The following ATP13A4 variants were observed in gnomAD, a reference collection of about 807,000 sequenced individuals.
The protein encoded by ATP13A4 is ATPase 13A4, also known as probable cation-transporting ATPase 13A4.
A neutral mutation model predicts 142.5 loss-of-function variants in ATP13A4; 114 were observed. The ratio of observed to expected loss-of-function variants is 0.80; its 90% CI spans 0.69 to 0.93. The LOEUF is 0.93. Ranked by LOEUF, ATP13A4 falls within the 40% of genes least tolerant of loss-of-function variation. The pLI is 0.00. For synonymous variants in ATP13A4, 488 were observed against 514.8 expected (o/e 0.95, Z 0.70); for missense variants, 1,392 against 1,454.0 (o/e 0.96, Z 0.69).
rs146265966 is a variant in ATP13A4 at position 193,497,305 on chromosome 3, A to T, written c.382-4145T>A. On this transcript the variant is annotated intron_variant, in intron 3 of 29. Transcript: ENST00000342695. ...AAGAAGACACACAAATGGCTCACAG[A>T]TAAATGAAAACATGCTCAACATCAC... Among the ~76,000 whole-genome samples, 524 of 152,328 alleles carry T rather than the reference A, an allele frequency of 3.4e-3. 3 individuals are homozygous for T. The highest frequency in any genetic ancestry group is 6.3e-3 in the Non-Finnish European group (426 of 68,014).
At chr3:193,537,813 T>C (rs1437620926) in intron 1 of ATP13A4, among the ~76,000 whole-genome samples, 1 of 152,152 alleles carries the variant, frequency 6.6e-6, no homozygotes, top group Non-Finnish European at 1.5e-5. Flanking sequence ...CTGGGTCAAT[T>C]TCCAAAGGAT....
intron 1 of ATP13A4, among the ~76,000 whole-genome samples, chr3:193,530,459 T>G (rs1035041560): frequency 1.3e-5 from 2 of 152,194 alleles, no homozygotes; most frequent in African/African-American, 4.8e-5. Flanking sequence ...AATCTAGACA[T>G]TCCCTTTAAT....
chr3:193,525,984 A>G (rs1721980253), intron 1 of ATP13A4, among the ~76,000 whole-genome samples: 1 of 152,192 alleles, frequency 6.6e-6, no homozygotes, highest in South Asian at 2.1e-4. Flanking sequence ...CTTCCTTAAC[A>G]TTGCTGGTGA....
chr3:193,460,781 A>G (rs1181731807), intron 13 of ATP13A4, among the ~76,000 whole-genome samples: 2 of 152,244 alleles, frequency 1.3e-5, no homozygotes, highest in Non-Finnish European at 2.9e-5. Flanking sequence ...TTAGCACAGC[A>G]AATACATAAA....
At chr3:193,454,013 G>T in intron 17 of ATP13A4, 88 bp downstream of exon 17, 2 of 1,135,796 alleles carry the variant, frequency 1.8e-6, no homozygotes, top group Non-Finnish European at 2.6e-6. Context: ...GAACCCCTAA[G>T]TCCATCCCAG....
At chr3:193,432,043 G>A (rs1407899657) in intron 25 of ATP13A4, among the ~76,000 whole-genome samples, 1 of 151,768 alleles carries the variant, frequency 6.6e-6, no homozygotes, top group Non-Finnish European at 1.5e-5. Context: ...TAGATTCAGG[G>A]TCAAATAAGA....
chr3:193,573,264 TATATATATATACATATATATATATACAC>T lies in ATP13A4; in HGVS notation n.291+8415_291+8442del, dbSNP rs1293295315. ...AACTTTAACGAATACCACAGCCATATATATATATATACATATATATATATACACATATATATATATATACATATATATA... is the reference window on the plus strand; with the variant it reads ...AACTTTAACGAATACCACAGCCATATATATATATATATATACATATATATA... On this transcript the variant is annotated intron_variant and non_coding_transcript_variant, in intron 2 of 3. Coordinates refer to the ATP13A4 transcript ENST00000489140. Among the ~76,000 whole-genome samples, 15 of 108,446 alleles carry T rather than the reference TATATATATATACATATATATATATACAC, an allele frequency of 1.4e-4. 1 individual carries two copies. The highest frequency in any genetic ancestry group is 5.9e-4 in the African/African-American group (14 of 23,828). The allele number at this position is 108,446 out of a possible 152,430, so 71.1% of individuals were successfully genotyped here.
At chr3:193,580,462 A>G (rs1437713127) in intron 2 of ATP13A4, among the ~76,000 whole-genome samples, 2 of 152,220 alleles carry the variant, frequency 1.3e-5, no homozygotes, top group East Asian at 3.8e-4. Flanking sequence ...AGAGCAGCAA[A>G]GATGTGGGAG....
intron 1 of ATP13A4, among the ~76,000 whole-genome samples, chr3:193,536,076 T>C (rs1281599844): frequency 1.3e-5 from 2 of 151,948 alleles, no homozygotes; most frequent in Non-Finnish European, 2.9e-5. Context: ...AAAATAATAT[T>C]ATTAGTATGC....
intron 29 of ATP13A4, chr3:193,404,005 T>C: frequency 1.0e-6 from 1 of 985,390 alleles, no homozygotes; most frequent in Non-Finnish European, 1.2e-6. Context: ...CAGTCTGCAT[T>C]ATTCCTGTGA....
intron 27 of ATP13A4, 41 bp from the exon 28 acceptor site, chr3:193,411,111 G>A (rs61401139): frequency 0.2 from 282,635 of 1,390,590 alleles, 30,469 homozygotes; most frequent in East Asian, 0.28. Flanking sequence ...TGAGAAATCA[G>A]AGTGAAAAAT....
intron 2 of ATP13A4, among the ~76,000 whole-genome samples, chr3:193,570,237 C>T (rs1724230024): frequency 6.6e-6 from 1 of 152,148 alleles, no homozygotes. Context: ...TGCTTGAGCC[C>T]AGGAGGTCGA....
chr3:193,516,218 A>T (rs1434439903), intron 1 of ATP13A4, among the ~76,000 whole-genome samples: 1 of 152,218 alleles, frequency 6.6e-6, no homozygotes, highest in East Asian at 1.9e-4. Context: ...CTCACCTGAT[A>T]AAGATTACAT....
At chr3:193,560,486 G>A (rs1723990894) in intron 2 of ATP13A4, among the ~76,000 whole-genome samples, 1 of 152,136 alleles carries the variant, frequency 6.6e-6, no homozygotes, top group African/African-American at 2.4e-5. Flanking sequence ...GGGATGACAG[G>A]TGTCAGCCAC....
intron 2 of ATP13A4, among the ~76,000 whole-genome samples, chr3:193,561,991 C>T (rs1040942968): frequency 6.6e-6 from 1 of 152,198 alleles, no homozygotes; most frequent in Non-Finnish European, 1.5e-5. Flanking sequence ...TTCATCCAGC[C>T]TTTCTCTGGC....
At chr3:193,513,514 C>T (rs1721245080) in intron 2 of ATP13A4, among the ~76,000 whole-genome samples, 2 of 152,178 alleles carry the variant, frequency 1.3e-5, no homozygotes, top group Admixed American at 1.3e-4. Flanking sequence ...TTCAGCCTGT[C>T]AGCCACCACA....
At chr3:193,495,550 A>G (rs1252718600) in intron 3 of ATP13A4, among the ~76,000 whole-genome samples, 1 of 152,182 alleles carries the variant, frequency 6.6e-6, no homozygotes, top group African/African-American at 2.4e-5. Context: ...TTCATGTTAA[A>G]AACTCAACAA....
At chr3:193,554,653 CGTGTGTGT>C (rs58073069) in intron 1 of ATP13A4, 79 bp downstream of exon 1, 100,884 of 1,182,934 alleles carry the variant, frequency 0.085, 79 homozygotes, top group East Asian at 0.13. Context: ...GTGATGCGTG[CGTGTGTGT>C]GTGTGTGTGT....
chr3:193,428,166 T>C (rs1436194656), intron 25 of ATP13A4, among the ~76,000 whole-genome samples: 1 of 152,086 alleles, frequency 6.6e-6, no homozygotes. Flanking sequence ...AAGACATTTA[T>C]GCAGCCAAAA....
Sources: gnomAD v4.1 joint callset for allele counts (sites outside exome capture counted in the v4.1 genomes callset) on GRCh38, gnomAD v4.1.1 for gene constraint, MANE v1.5 for transcripts, NCBI Gene and HGNC (gene_info 2026-07-23, HGNC 2026-07-21) for gene names.